The following OBSL1 variants were observed in gnomAD, a reference collection of about 807,000 sequenced individuals.
OBSL1 encodes the protein obscurin like cytoskeletal adaptor 1.
OBSL1 carries 160 observed loss-of-function variants against 172.0 expected under a neutral mutation model. That is an observed-to-expected ratio of 0.93 (90% CI 0.82 to 1.06). OBSL1 has a LOEUF of 1.06. Among genes scored for constraint, OBSL1 ranks in the 50% least tolerant of loss-of-function variants. The pLI is 0.00. For missense variants in OBSL1, 2,681 were observed against 2,715.4 expected (o/e 0.99, Z 0.28); for synonymous variants, 1,200 against 1,196.3 (o/e 1.00, Z -0.06).
In OBSL1 at chr2:219,550,766, C is replaced by T. The variant is rs1445000491; in HGVS notation, c.*69G>A. On this transcript the variant is annotated 3_prime_UTR_variant, in exon 21 of 21. Transcript: ENST00000404537. ...TTTTATTGTTCCTTGTCTCTCTACC[C>T]CTGCCCAGGGTAAGGGCAAACGCCT... 1 of 1,567,930 alleles carries T rather than the reference C, an allele frequency of 6.4e-7. No homozygotes were observed. Among genetic ancestry groups the T allele is most frequent in the East Asian group, 2.3e-5 (1 of 43,524 alleles).
At chr2:219,554,765 G>C in intron 14 of OBSL1, 25 bp from the exon 15 acceptor site, 1 of 1,522,000 alleles carries the variant, frequency 6.6e-7, no homozygotes, top group South Asian at 1.3e-5. Flanking sequence ...TGGAGAGAGG[G>C]AGGATGAGGC....
Position 219,571,219 on chromosome 2 carries a change from G to C in OBSL1, c.14C>G (p.Ser5Trp), listed in dbSNP as rs1182199715. The C allele has an allele frequency of 2.0e-5, 27 of 1,367,098 alleles. No individual in the cohort carries two copies. Among genetic ancestry groups the C allele is most frequent in the South Asian group, 8.8e-5 (5 of 56,614 alleles). The allele number at this position is 1,367,098 out of a possible 1,614,324, so 84.7% of individuals were successfully genotyped here. A position where few individuals can be genotyped will look rare whatever the true frequency, so the allele number is the denominator to read the frequency against. ...GCACGGGGGGCTCCCCTGATCCCCC[G>C]AGCTCGCCTTCATCGCGGCGGCCGA... MKAS[S>W]GDQGSPPCFL... The change falls in exon 1 of 21, where the codon TCG becomes TGG. Residue 5 changes from serine (S) to tryptophan (W), a missense_variant. Transcript: ENST00000404537.
downstream of OBSL1, chr2:219,549,750 G>A (rs574655012): frequency 5.6e-6 from 9 of 1,613,978 alleles, no homozygotes; most frequent in Middle Eastern, 1.6e-4. Flanking sequence ...CCGGCAGACC[G>A]GGAGCTCCCT....
rs755753519 is a variant in OBSL1 at position 219,568,280 on chromosome 2, G to A, written c.1057C>T (p.Arg353Cys). The change falls in exon 2 of 21, where the codon CGT becomes TGT. Residue 353 changes from arginine to cysteine, a missense_variant. Arg to Cys is a radical substitution (Grantham distance 180). Around this residue, in one of 5 missense-constraint regions of OBSL1, gnomAD observed 706 missense variants for 695.8 expected, o/e 1.01. Transcript: ENST00000404537. The surrounding 1 kb of genome is among the most constrained non-coding windows in gnomAD (Gnocchi z 4.1). ...TCCAGCACGGCAATCCCGTGCTCAC[G>A]GCCCTCCACGTCCTGCAGGGGCCGT... ...FTRPLQDVEG[R>C]EHGIAVLECK... The A allele has an allele frequency of 5.6e-6, 9 of 1,609,262 alleles. No individual in the cohort carries two copies. In the East Asian group the frequency reaches 8.9e-5, roughly 16 times the overall value.
rs1483789489 is a variant in OBSL1 at position 219,570,579 on chromosome 2, C to A, written c.654G>T (p.Ala218=). Residue 218 remains alanine, a synonymous_variant, in exon 1 of 21, where the codon GCG becomes GCT. Transcript: ENST00000404537. ...GCACCTGGAGCAGCGCCCCCGCCTG[C>A]GCGTGGCCGTGCGCGTTGCGGGCGT... The part of the protein sequence containing the change: ...VCHARNAHGH[A]QAGALLQVHQ... The A allele has an allele frequency of 1.3e-6, 2 of 1,531,142 alleles. No individual in the cohort carries two copies. Among genetic ancestry groups the A allele is most frequent in the East Asian group, 2.5e-5 (1 of 39,870 alleles). 94.8% of individuals were successfully genotyped at this position (1,531,142 alleles called of 1,614,324 possible).
chr2:219,554,567 G>A lies in OBSL1; in HGVS notation c.4783C>T (p.Arg1595Ter), dbSNP rs200174777. Reference sequence around the variant, plus strand: ...AGGCCCAGGCCATTGAGTACCAGTCGGTGACGGTGGCCGTCCGAGTGGATG... The same window carrying A: ...AGGCCCAGGCCATTGAGTACCAGTCAGTGACGGTGGCCGTCCGAGTGGATG... ...CHIHSDGHRH[R>*]LVLNGLGLAD... The change falls in exon 15 of 21, where the codon CGA becomes TGA. Residue 1595 changes from arginine (R) to a stop codon, truncating the protein, a stop_gained. Coordinates refer to ENST00000404537, the MANE Select transcript of OBSL1 (RefSeq NM_015311.3). LOFTEE classifies it high-confidence loss of function. The A allele has an allele frequency of 8.7e-6, 14 of 1,613,336 alleles. No individual in the cohort carries two copies. The Admixed American group carries it at 1.3e-4, about 15-fold the overall frequency.
rs200051215 is a variant in OBSL1 at position 219,565,457 on chromosome 2, G to C, written c.2192C>G (p.Ser731Ter). The change falls in exon 6 of 21, where the codon TCA becomes TGA. Residue 731 changes from serine to a stop codon, truncating the protein, a stop_gained. Coordinates refer to ENST00000404537, the MANE Select transcript of OBSL1 (RefSeq NM_015311.3). LOFTEE classifies it high-confidence loss of function. ...CTCACAAGTCAGCACCACCCGCTCT[G>C]AGGTTGTGAAGGTCAACGACACCCT... ...QDRVSLTFTTSERVVLTCELS... is the reference protein window; with the variant it reads ...QDRVSLTFTT 3.7e-6 allele frequency: 6 copies of C among 1,613,268 alleles called. No individual in the cohort carries two copies. Among genetic ancestry groups the C allele is most frequent in the South Asian group, 1.1e-5 (1 of 91,078 alleles).
chr2:219,568,349 AG>A lies in OBSL1; in HGVS notation c.1013-26del, dbSNP rs1697084544. 6.3e-7 allele frequency: 1 copy of A among 1,582,576 alleles called. No individual in the cohort carries two copies. The highest frequency in any genetic ancestry group is 8.6e-7 in the Non-Finnish European group (1 of 1,163,644). On this transcript the variant is annotated intron_variant, in intron 1 of 20. Coordinates refer to ENST00000404537, the MANE Select transcript of OBSL1 (RefSeq NM_015311.3). This position sits in a 1 kb window ranked among gnomAD's most constrained non-coding sequence, Gnocchi z 4.1. ...TCTGTGGAGAGGGGAGAGAGAGACA[AG>A]AGAGGGCTCTGGAGAAGGCCCAGAC...
Position 219,559,402 on chromosome 2 carries a change from C to T in OBSL1, c.3049G>A (p.Asp1017Asn), listed in dbSNP as rs1696295602. 1.9e-6 allele frequency: 3 copies of T among 1,613,824 alleles called. No homozygotes were observed. In the South Asian group the frequency reaches 3.3e-5, roughly 18 times the overall value. ...VVLMCELSRE[D>N]APVRWYKDGL... ...TCCTTGTACCAGCGCACAGGGGCAT[C>T]CTCCCGAGACAGTTCACACATCAGC... The change falls in exon 9 of 21, where the codon GAT becomes AAT. Residue 1017 changes from aspartate (D) to asparagine (N), a missense_variant. Coordinates refer to ENST00000404537, the MANE Select transcript of OBSL1 (RefSeq NM_015311.3).
downstream of OBSL1, chr2:219,549,219 G>A: frequency 3.1e-6 from 5 of 1,614,044 alleles, no homozygotes; most frequent in Non-Finnish European, 3.4e-6. Context: ...ATCGCAAGGA[G>A]AAAAGGCGGA....
chr2:219,551,886 C>T, intron 19 of OBSL1, 88 bp from the exon 20 acceptor site: 2 of 930,138 alleles, frequency 2.2e-6, no homozygotes, highest in Non-Finnish European at 3.3e-6. Context: ...GAAGTCTCCA[C>T]TCCTGGCCTT....
At position 219,563,400 on chromosome 2, in the gene OBSL1, A is replaced by G; in HGVS notation, c.2635T>C (p.Cys879Arg). Residue 879 changes from cysteine (C) to arginine (R), a missense_variant, in exon 7 of 21, where the codon TGC (cysteine) becomes CGC (arginine). By Grantham distance (180) the Cys-to-Arg change is radical. This residue lies in a region of OBSL1 where 1,765 missense variants were observed against 1,748.3 expected (regional missense o/e 1.01). Coordinates refer to ENST00000404537, the MANE Select transcript of OBSL1 (RefSeq NM_015311.3). ...TQPSDGGEFQ[C>R]VAGDECAYFT... ...TAGGCACACTCATCTCCAGCGACGCACTGAAACTCGCCCCCGTCTGAGGGC... is the reference window on the plus strand; with the variant it reads ...TAGGCACACTCATCTCCAGCGACGCGCTGAAACTCGCCCCCGTCTGAGGGC... 2 of 1,609,018 alleles carry G rather than the reference A, an allele frequency of 1.2e-6. No homozygotes were observed. The highest frequency in any genetic ancestry group is 1.7e-4 in the Middle Eastern group (1 of 6,030).
Position 219,571,211 on chromosome 2 carries a change from G to C in OBSL1, c.22C>G (p.Gln8Glu). ...CGCAGGAAGCACGGGGGGCTCCCCT[G>C]ATCCCCCGAGCTCGCCTTCATCGCG... is the stretch of plus-strand genomic sequence containing the variant. MKASSGD[Q>E]GSPPCFLRFP... Residue 8 changes from glutamine to glutamate, a missense_variant, in exon 1 of 21, where the codon CAG (glutamine) becomes GAG (glutamate). This residue lies in a region of OBSL1 where 90 missense variants were observed against 76.6 expected (regional missense o/e 1.18). Transcript: ENST00000404537. 1 of 1,390,418 alleles carries C rather than the reference G, an allele frequency of 7.2e-7. No homozygotes were observed. Among genetic ancestry groups the C allele is most frequent in the Non-Finnish European group, 9.4e-7 (1 of 1,064,686 alleles). 86.1% of individuals were successfully genotyped at this position (1,390,418 alleles called of 1,614,324 possible). A position where few individuals can be genotyped will look rare whatever the true frequency, so the allele number is the denominator to read the frequency against.
chr2:219,570,572 C>T lies in OBSL1; in HGVS notation c.661G>A (p.Gly221Arg), dbSNP rs1697274078. ...GGCTGGTGCACCTGGAGCAGCGCCC[C>T]CGCCTGCGCGTGGCCGTGCGCGTTG... is the stretch of plus-strand genomic sequence containing the variant. Reference protein sequence around the residue: ...ARNAHGHAQAGALLQVHQPPE... With the variant: ...ARNAHGHAQARALLQVHQPPE... Residue 221 changes from glycine to arginine, a missense_variant, in exon 1 of 21, where the codon GGG (glycine) becomes AGG (arginine). Around this residue, in one of 5 missense-constraint regions of OBSL1, gnomAD observed 706 missense variants for 695.8 expected, o/e 1.01. Transcript: ENST00000404537. The T allele has an allele frequency of 1.3e-6, 2 of 1,550,468 alleles. No individual in the cohort carries two copies. Among genetic ancestry groups the T allele is most frequent in the Middle Eastern group, 1.7e-4 (1 of 5,728 alleles).
Position 219,550,843 on chromosome 2 carries a change from C to T in OBSL1, c.5684-1G>A. 1 of 1,610,902 alleles carries T rather than the reference C, an allele frequency of 6.2e-7. No homozygotes were observed. Among genetic ancestry groups the T allele is most frequent in the East Asian group, 2.2e-5 (1 of 44,768 alleles). On this transcript the variant is annotated splice_acceptor_variant, in intron 20 of 20. Coordinates refer to ENST00000404537, the MANE Select transcript of OBSL1 (RefSeq NM_015311.3). LOFTEE classifies it high-confidence loss of function. ...GGCCTGGTTAGGTTCTCCTAGTTGCCTGCAGAGGAATGACTCCACATGGGG... is the reference window on the plus strand; with the variant it reads ...GGCCTGGTTAGGTTCTCCTAGTTGCTTGCAGAGGAATGACTCCACATGGGG...
At position 219,552,542 on chromosome 2, in the gene OBSL1, G is replaced by C; in HGVS notation, c.5302C>G (p.Gln1768Glu). Residue 1768 changes from glutamine to glutamate, a missense_variant, in exon 18 of 21, where the codon CAG becomes GAG. By Grantham distance (29) the Gln-to-Glu change is conservative. Around this residue, in one of 5 missense-constraint regions of OBSL1, gnomAD observed 1,765 missense variants for 1,748.3 expected, o/e 1.01. Coordinates refer to ENST00000404537, the MANE Select transcript of OBSL1 (RefSeq NM_015311.3). ...GGTAACCAGGCGGGCAGACCTTCCT[G>C]TCGGATGCGGACGCGGGCTCCGGGT... ...LRPGARVRIR[Q>E]EGKKHILVLS... 1 of 1,596,612 alleles carries C rather than the reference G, an allele frequency of 6.3e-7. No individual in the cohort carries two copies. Among genetic ancestry groups the C allele is most frequent in the Non-Finnish European group, 8.5e-7 (1 of 1,177,788 alleles).
At chr2:219,547,460 C>G (rs1695412494), downstream of OBSL1, 3 of 1,387,882 alleles carry the variant, frequency 2.2e-6, 1 homozygote, top group African/African-American at 3.0e-5. Flanking sequence ...TCCCTCCAGC[C>G]TGGTGCCCTC....
Position 219,571,272 on chromosome 2 carries a change from G to C in OBSL1, c.-40C>G. The C allele has an allele frequency of 1.7e-6, 2 of 1,156,830 alleles. 1 individual carries two copies. Among genetic ancestry groups the C allele is most frequent in the South Asian group, 6.3e-5 (2 of 31,782 alleles). The allele number at this position is 1,156,830 out of a possible 1,614,324, so 71.7% of individuals were successfully genotyped here. A position where few individuals can be genotyped will look rare whatever the true frequency, so the allele number is the denominator to read the frequency against. ...GCCTGCAGCGGCGAACGGTGGGGGG[G>C]CAGGGGGGGGTGCGGAGGGCGAGCC... On this transcript the variant is annotated 5_prime_UTR_variant, in exon 1 of 21. Transcript: ENST00000404537.
At position 219,552,997 on chromosome 2, in the gene OBSL1, G is replaced by A. The variant is rs1376646991; in HGVS notation, c.5017C>T (p.Arg1673Trp). 5.3e-6 allele frequency: 8 copies of A among 1,523,652 alleles called. No individual in the cohort carries two copies. The allele number at this position is 1,523,652 out of a possible 1,614,324, so 94.4% of individuals were successfully genotyped here. The change falls in exon 17 of 21, where the codon CGG (arginine) becomes TGG (tryptophan). Residue 1673 changes from arginine (R) to tryptophan (W), a missense_variant. Physicochemically the swap from Arg to Trp is moderately radical, Grantham distance 101. Transcript: ENST00000404537. ...GTGCCGAGGGCCTGGAGCCGGAGCC[G>A]CGGGCTAGGCGTAAGCGCGTTCCCG... ...KDGNALTPSP[R>W]LRLQALGTRR...
Sources: gnomAD v4.1 joint callset for allele counts on GRCh38, gnomAD v4.1.1 for gene constraint, gnomAD v4.1.1 regional missense constraint, Gnocchi (gnomAD v3.1) non-coding constraint, MANE v1.5 for transcripts, NCBI Gene and HGNC (gene_info 2026-07-23, HGNC 2026-07-21) for gene names.